Variants in NCAPG2 observed in about 807,000 individuals in gnomAD.
The protein encoded by NCAPG2 is non-SMC condensin II complex subunit G2, also known as condensin-2 complex subunit G2.
NCAPG2 carries 53 observed loss-of-function variants against 141.1 expected under a neutral mutation model. The observed-to-expected ratio is 0.38, with a 90% CI of 0.30 to 0.47. The LOEUF (loss-of-function observed/expected upper bound fraction) is 0.47, where lower values mean the gene tolerates loss of function less well. Ranked by LOEUF, NCAPG2 falls within the 20% of genes least tolerant of loss-of-function variation. NCAPG2 has a pLI of 0.99. For synonymous variants in NCAPG2, 499 were observed against 490.7 expected (o/e 1.02, Z -0.22); for missense variants, 1,087 against 1,389.0 (o/e 0.78, Z 3.46).
At chr7:158,671,687 A>G in intron 12 of NCAPG2, 21 bp from the exon 13 acceptor site, 1 of 1,610,486 alleles carries the variant, frequency 6.2e-7, no homozygotes, top group South Asian at 1.1e-5. Context: ...GAGAAAGATA[A>G]ACAATTCAAA....
chr7:158,647,276 C>T (rs1025916432), intron 24 of NCAPG2, among the ~76,000 whole-genome samples: 28 of 152,200 alleles, frequency 1.8e-4, no homozygotes, highest in Admixed American at 5.2e-4. Context: ...GTGCTAGGTG[C>T]TGTTGGAGGC....
At chr7:158,632,462 A>G (rs1829954687) in intron 27 of NCAPG2, among the ~76,000 whole-genome samples, 1 of 152,230 alleles carries the variant, frequency 6.6e-6, no homozygotes. Flanking sequence ...GTTCCATTAC[A>G]GGGCACTCCA....
intron 10 of NCAPG2, 67 bp downstream of exon 10, chr7:158,680,652 TAG>T (rs1834393779): frequency 9.7e-7 from 1 of 1,031,510 alleles, no homozygotes; most frequent in East Asian, 2.8e-5. Flanking sequence ...AATTTGGACT[TAG>T]AGTTTGCTAA....
At chr7:158,641,481 A>G in intron 27 of NCAPG2, 1 of 681,280 alleles carries the variant, frequency 1.5e-6, no homozygotes, top group East Asian at 2.8e-5. Flanking sequence ...ATTGGGACTG[A>G]GGCAGAAGGA....
chr7:158,691,416 T>C (rs1372582288), intron 4 of NCAPG2, among the ~76,000 whole-genome samples: 1 of 152,220 alleles, frequency 6.6e-6, no homozygotes, highest in Non-Finnish European at 1.5e-5. Context: ...GGAAGCTATT[T>C]TCATTATGAT....
Position 158,656,473 on chromosome 7 carries a change from G to A in NCAPG2, c.2215-40C>T, listed in dbSNP as rs372292465. On this transcript the variant is annotated intron_variant, in intron 18 of 27. Transcript: ENST00000356309. Reference sequence around the variant, plus strand: ...AGAGAAACTGATAATGAAAACACACGTCCCTAGAAAAGCATGTAATTTCTA... The same window carrying A: ...AGAGAAACTGATAATGAAAACACACATCCCTAGAAAAGCATGTAATTTCTA... The A allele has an allele frequency of 4.1e-5, 66 of 1,610,312 alleles. No homozygotes were observed. The Middle Eastern group carries it at 2.7e-3, about 65-fold the overall frequency.
At chr7:158,685,315 C>T (rs1187076944) in intron 8 of NCAPG2, among the ~76,000 whole-genome samples, 1 of 152,060 alleles carries the variant, frequency 6.6e-6, no homozygotes, top group Non-Finnish European at 1.5e-5. Flanking sequence ...ACTTGAAGTC[C>T]CTGAACGGCA....
Position 158,654,646 on chromosome 7 carries a change from G to A in NCAPG2, c.2695C>T (p.His899Tyr). 1 of 1,614,024 alleles carries A rather than the reference G, an allele frequency of 6.2e-7. No individual in the cohort carries two copies. Among genetic ancestry groups the A allele is most frequent in the East Asian group, 2.2e-5 (1 of 44,878 alleles). ...TGTAAGAGTTGCATCTGAAACTGAT[G>A]GTCACCAAGGCCTACCATAACAACA... The part of the protein sequence containing the change: ...KDVVMVGLGD[H>Y]QFQMQLLQRS... Residue 899 changes from histidine (H) to tyrosine (Y), a missense_variant, in exon 22 of 28, where the codon CAT (histidine) becomes TAT (tyrosine). His to Tyr is a moderately conservative substitution (Grantham distance 83). Coordinates refer to ENST00000356309, the MANE Select transcript of NCAPG2 (RefSeq NM_017760.7).
At position 158,675,554 on chromosome 7, in the gene NCAPG2, T is replaced by C; in HGVS notation, c.1249A>G (p.Ile417Val). The change falls in exon 12 of 28, where the codon ATT becomes GTT. Residue 417 changes from isoleucine to valine, a missense_variant. Ile to Val is a conservative substitution (Grantham distance 29, BLOSUM62 3). Coordinates refer to ENST00000356309, the MANE Select transcript of NCAPG2 (RefSeq NM_017760.7). ...CCAGTCACCTTCTTCAGGAGGTCAATAAGAATGGTCGGGGGCATCATTTCC... is the reference window on the plus strand; with the variant it reads ...CCAGTCACCTTCTTCAGGAGGTCAACAAGAATGGTCGGGGGCATCATTTCC... Reference protein sequence around the residue: ...YWEMMPPTILIDLLKKVTGEL... With the variant: ...YWEMMPPTILVDLLKKVTGEL... 1 of 1,613,734 alleles carries C rather than the reference T, an allele frequency of 6.2e-7. No individual in the cohort carries two copies. Among genetic ancestry groups the C allele is most frequent in the Non-Finnish European group, 8.5e-7 (1 of 1,179,942 alleles).
chr7:158,684,934 G>C (rs939471249), intron 8 of NCAPG2, among the ~76,000 whole-genome samples: 1 of 152,230 alleles, frequency 6.6e-6, no homozygotes, highest in Non-Finnish European at 1.5e-5. Flanking sequence ...AGAGAGGATG[G>C]AAGTAAACCC....
In NCAPG2 at chr7:158,631,516, A is replaced by G. The variant is rs1454286092; in HGVS notation, c.*150T>C. Reference sequence around the variant, plus strand: ...GAAGAAGTTTTGAGTTATCTCCTCCATAACCCCCACCTTCCCACATTCCCA... The same window carrying G: ...GAAGAAGTTTTGAGTTATCTCCTCCGTAACCCCCACCTTCCCACATTCCCA... On this transcript the variant is annotated 3_prime_UTR_variant, in exon 28 of 28. Transcript: ENST00000356309. 3.8e-6 allele frequency: 3 copies of G among 779,756 alleles called. No individual in the cohort carries two copies. In the African/African-American group the frequency reaches 5.3e-5, roughly 14 times the overall value. 48.3% of individuals were successfully genotyped at this position (779,756 alleles called of 1,614,324 possible). A position where few individuals can be genotyped will look rare whatever the true frequency, so the allele number is the denominator to read the frequency against.
intron 6 of NCAPG2, among the ~76,000 whole-genome samples, chr7:158,689,378 G>A (rs1834985617): frequency 6.6e-6 from 1 of 152,088 alleles, no homozygotes; most frequent in Admixed American, 6.5e-5. Flanking sequence ...TATGGGAGTT[G>A]ACCCCAGGAC....
At chr7:158,667,396 C>T (rs1485135491) in intron 13 of NCAPG2, among the ~76,000 whole-genome samples, 1 of 62,304 alleles carries the variant, frequency 1.6e-5, no homozygotes, top group African/African-American at 5.1e-5. Context: ...ACTACTGGGT[C>T]CCTCCGCCCT....
intron 13 of NCAPG2, among the ~76,000 whole-genome samples, chr7:158,666,749 A>AAACCCTC (rs1832974527): frequency 6.6e-6 from 1 of 152,008 alleles, no homozygotes; most frequent in African/African-American, 2.4e-5. Context: ...CAACACAGGG[A>AAACCCTC]AACCCTGTCT....
chr7:158,674,003 A>G (rs1833906166), intron 12 of NCAPG2, among the ~76,000 whole-genome samples: 1 of 152,232 alleles, frequency 6.6e-6, no homozygotes, highest in South Asian at 2.1e-4. Context: ...GCTTTATAGT[A>G]GACTGGGGAG....
intron 13 of NCAPG2, 136 bp from the exon 14 acceptor site, chr7:158,664,886 C>T (rs976063526): frequency 2.9e-6 from 2 of 678,218 alleles, no homozygotes; most frequent in Non-Finnish European, 5.0e-6. Context: ...CGAATGACTA[C>T]ACCAAAATCT....
At chr7:158,675,830 G>C (rs372172413) in intron 11 of NCAPG2, among the ~76,000 whole-genome samples, 174 bp from the exon 12 acceptor site, 2 of 152,180 alleles carry the variant, frequency 1.3e-5, no homozygotes, top group East Asian at 3.8e-4. Context: ...TTCTAAAGCA[G>C]AGTATTTAAG....
Position 158,689,931 on chromosome 7 carries a change from C to A in NCAPG2, c.560G>T (p.Trp187Leu). ...GCAATATAAAGCTTGATGGATACGC[C>A]AAAGCCGACATACGTCTGCACCCTA... Reference protein sequence around the residue: ...TKTGADVCRLWRIHQALYCFD... With the variant: ...TKTGADVCRLLRIHQALYCFD... The change falls in exon 6 of 28, where the codon TGG (tryptophan) becomes TTG (leucine). Residue 187 changes from tryptophan to leucine, a missense_variant. Physicochemically the swap from Trp to Leu is moderately conservative, Grantham distance 61. Transcript: ENST00000356309. The A allele has an allele frequency of 6.3e-7, 1 of 1,594,136 alleles. No individual in the cohort carries two copies. The highest frequency in any genetic ancestry group is 8.5e-7 in the Non-Finnish European group (1 of 1,172,032).
intron 2 of NCAPG2, among the ~76,000 whole-genome samples, chr7:158,700,949 T>A (rs1835740094): frequency 6.6e-6 from 1 of 152,200 alleles, no homozygotes; most frequent in Non-Finnish European, 1.5e-5. Flanking sequence ...GACTTAGGCT[T>A]CCATGCCCAA....
Sources: allele counts gnomAD v4.1 joint callset (sites outside exome capture counted in the v4.1 genomes callset), GRCh38; gene constraint gnomAD v4.1.1; transcripts MANE v1.5; gene names NCBI Gene and HGNC (gene_info 2026-07-23, HGNC 2026-07-21).